PPP3CA: variants seen among roughly 807,000 people sequenced by gnomAD.
The protein encoded by PPP3CA is CAM-PRP catalytic subunit.
Under a neutral mutation model 66.5 loss-of-function variants are expected in PPP3CA, and 14 were observed. The ratio of observed to expected loss-of-function variants is 0.21; its 90% CI spans 0.14 to 0.33. The LOEUF (loss-of-function observed/expected upper bound fraction) is 0.33, where lower values mean the gene tolerates loss of function less well. Ranked by LOEUF, PPP3CA falls within the 10% of genes least tolerant of loss-of-function variation. The pLI is 1.00. For missense variants in PPP3CA, 317 were observed against 639.5 expected (o/e 0.50, Z 5.44); for synonymous variants, 232 against 226.2 (o/e 1.03, Z -0.23).
At chr4:101,324,922 G>A (rs759498655) in intron 1 of PPP3CA, among the ~76,000 whole-genome samples, 33 of 152,164 alleles carry the variant, frequency 2.2e-4, no homozygotes, top group Non-Finnish European at 3.8e-4. Flanking sequence ...TCTCTTCAGT[G>A]TTAAGAAGCT....
chr4:101,206,312 C>A (rs1725129141), intron 1 of PPP3CA, among the ~76,000 whole-genome samples: 1 of 152,188 alleles, frequency 6.6e-6, no homozygotes, highest in Admixed American at 6.5e-5. Context: ...TCTCAAATTT[C>A]ATTTTCAATT....
intron 2 of PPP3CA, among the ~76,000 whole-genome samples, chr4:101,174,120 C>T (rs1294817354): frequency 2.0e-5 from 3 of 150,222 alleles, no homozygotes; most frequent in Admixed American, 1.3e-4. Flanking sequence ...AACAAACTAA[C>T]AAAAAAAACC....
chr4:101,227,453 T>C (rs1171543938), intron 1 of PPP3CA, among the ~76,000 whole-genome samples: 1 of 151,798 alleles, frequency 6.6e-6, no homozygotes, highest in Non-Finnish European at 1.5e-5. Flanking sequence ...ACCTGGCACA[T>C]AGAAGGCCAT....
At chr4:101,150,513 T>G (rs1723103836) in intron 2 of PPP3CA, among the ~76,000 whole-genome samples, 1 of 152,222 alleles carries the variant, frequency 6.6e-6, no homozygotes, top group Non-Finnish European at 1.5e-5. Flanking sequence ...AGAACATGTA[T>G]TAAACTGCTT....
intron 1 of PPP3CA, among the ~76,000 whole-genome samples, chr4:101,260,730 T>C (rs1726986257): frequency 6.6e-6 from 1 of 152,156 alleles, no homozygotes; most frequent in African/African-American, 2.4e-5. Flanking sequence ...TAATTCATTC[T>C]ATAAACTGCC....
At chr4:101,162,692 G>A (rs1723557832) in intron 2 of PPP3CA, among the ~76,000 whole-genome samples, 1 of 152,054 alleles carries the variant, frequency 6.6e-6, no homozygotes, top group Non-Finnish European at 1.5e-5. Flanking sequence ...AAGAAATGGA[G>A]TCCCCAAACA....
intron 1 of PPP3CA, among the ~76,000 whole-genome samples, chr4:101,287,240 C>G (rs1727872372): frequency 6.6e-6 from 1 of 152,026 alleles, no homozygotes; most frequent in Admixed American, 6.6e-5. Context: ...CTTGTTTTAA[C>G]AAAGCTTAAA....
At chr4:101,291,077 T>C (rs1170990627) in intron 1 of PPP3CA, among the ~76,000 whole-genome samples, 1 of 152,216 alleles carries the variant, frequency 6.6e-6, no homozygotes, top group Non-Finnish European at 1.5e-5. Flanking sequence ...TAACCAGGAT[T>C]GTTTACATTA....
intron 2 of PPP3CA, among the ~76,000 whole-genome samples, chr4:101,143,307 C>T (rs1722868568): frequency 6.6e-6 from 1 of 152,128 alleles, no homozygotes. Flanking sequence ...TACTCCCTTT[C>T]TTCTATTTCT....
At chr4:101,042,682 T>C (rs1261055620) in intron 10 of PPP3CA, among the ~76,000 whole-genome samples, 1 of 152,154 alleles carries the variant, frequency 6.6e-6, no homozygotes, top group Non-Finnish European at 1.5e-5. Flanking sequence ...ACAATATTAA[T>C]TATCTATGAT....
intron 2 of PPP3CA, among the ~76,000 whole-genome samples, chr4:101,185,670 T>G (rs759285300): frequency 1.3e-5 from 2 of 152,182 alleles, no homozygotes; most frequent in South Asian, 4.1e-4. Flanking sequence ...AAAGCATTAG[T>G]GGAGAATATT....
intron 1 of PPP3CA, among the ~76,000 whole-genome samples, chr4:101,312,623 T>TA (rs565917905): frequency 6.6e-6 from 1 of 151,922 alleles, no homozygotes. Flanking sequence ...ATTTAAAAAT[T>TA]AAAAAAAAGT....
intron 2 of PPP3CA, among the ~76,000 whole-genome samples, chr4:101,111,089 T>C (rs1721655588): frequency 6.6e-6 from 1 of 152,212 alleles, no homozygotes; most frequent in South Asian, 2.1e-4. Context: ...TCTACCTATG[T>C]ATCTATTGAA....
At chr4:101,139,347 CAAAAAA>C (rs56658441) in intron 2 of PPP3CA, among the ~76,000 whole-genome samples, 1 of 96,744 alleles carries the variant, frequency 1.0e-5, no homozygotes, top group Admixed American at 1.1e-4. Flanking sequence ...GACTCCGTCT[CAAAAAA>C]AAAAAAAAAA....
intron 1 of PPP3CA, among the ~76,000 whole-genome samples, chr4:101,292,209 T>A: frequency 6.6e-6 from 1 of 152,122 alleles, no homozygotes; most frequent in East Asian, 1.9e-4. Flanking sequence ...TATCATTCTT[T>A]TAGAGCTTCT....
Position 101,040,668 on chromosome 4 carries a change from A to T in PPP3CA, c.1157-102T>A. On this transcript the variant is annotated intron_variant, in intron 10 of 13. Transcript: ENST00000394854. ...ACAGACTCCAGTAAGCAAAATCAGTATTTTTTTTTTTTCCCCCTTAAGAGG... is the reference window on the plus strand; with the variant it reads ...ACAGACTCCAGTAAGCAAAATCAGTTTTTTTTTTTTTTCCCCCTTAAGAGG... The T allele has an allele frequency of 8.3e-6, 6 of 719,104 alleles. No individual in the cohort carries two copies. In the South Asian group the frequency reaches 8.8e-5, roughly 10 times the overall value. 44.5% of individuals were successfully genotyped at this position (719,104 alleles called of 1,614,324 possible).
At chr4:101,072,136 A>G (rs942936178) in intron 8 of PPP3CA, among the ~76,000 whole-genome samples, 12 of 152,242 alleles carry the variant, frequency 7.9e-5, no homozygotes, top group Non-Finnish European at 1.5e-4. Flanking sequence ...GGGAGAAATG[A>G]ATTATTTATT....
chr4:101,032,800 T>C (rs1727043197), intron 11 of PPP3CA, among the ~76,000 whole-genome samples: 1 of 152,088 alleles, frequency 6.6e-6, no homozygotes, highest in Admixed American at 6.6e-5. Flanking sequence ...ACAGAGCATA[T>C]GGAGATTGAA....
intron 1 of PPP3CA, among the ~76,000 whole-genome samples, chr4:101,308,353 A>G (rs1312814069): frequency 6.6e-6 from 1 of 152,222 alleles, no homozygotes; most frequent in African/African-American, 2.4e-5. Context: ...AGATATTGGT[A>G]TTACTATCAT....
Sources: gnomAD v4.1 joint callset for allele counts (sites outside exome capture counted in the v4.1 genomes callset) on GRCh38, gnomAD v4.1.1 for gene constraint, MANE v1.5 for transcripts, NCBI Gene and HGNC (gene_info 2026-07-23, HGNC 2026-07-21) for gene names.